The following CDCA8 variants were observed in gnomAD, a reference collection of about 807,000 sequenced individuals.
CDCA8 encodes the protein cell division cycle associated 8.
Under a neutral mutation model 40.0 loss-of-function variants are expected in CDCA8, and 25 were observed. The observed-to-expected ratio is 0.63, with a 90% CI of 0.46 to 0.87. The LOEUF (loss-of-function observed/expected upper bound fraction) is 0.87, where lower values mean the gene tolerates loss of function less well. CDCA8 is among the 40% of genes least tolerant of loss of function. The pLI is 0.00. For synonymous variants in CDCA8, 111 were observed against 126.5 expected (o/e 0.88, Z 0.82); for missense variants, 280 against 348.4 (o/e 0.80, Z 1.56).
In CDCA8 at chr1:37,695,267, C is replaced by T. The variant is rs114312201; in HGVS notation, c.224-643C>T. Among the ~76,000 whole-genome samples the T allele has an allele frequency of 9.9e-3, 1,480 of 150,176 alleles. 24 individuals are homozygous for T. Among genetic ancestry groups the T allele is most frequent in the African/African-American group, 0.034 (1,400 of 40,908 alleles). ...GCAGGGCATAGGGTGGGGATTCATG[C>T]CTATAATCCTAGCACTTTGGGAGGC... is the stretch of plus-strand genomic sequence containing the variant. On this transcript the variant is annotated intron_variant, in intron 2 of 9. Transcript: ENST00000373055.
intron 4 of CDCA8, among the ~76,000 whole-genome samples, chr1:37,699,257 A>C (rs897864768): frequency 6.6e-6 from 1 of 152,154 alleles, no homozygotes; most frequent in African/African-American, 2.4e-5. Context: ...AAAAGGGGGG[A>C]AAAAAGCTGT....
Position 37,692,660 on chromosome 1 carries a change from C to T in CDCA8, c.-31C>T. On this transcript the variant is annotated 5_prime_UTR_variant, in exon 1 of 10. Transcript: ENST00000373055. ...AGTTTCTTGCTTCCCTGCCCCATCTCCGCCGCTCCCCGCAGCCTCCGCCGA... is the reference window on the plus strand; with the variant it reads ...AGTTTCTTGCTTCCCTGCCCCATCTTCGCCGCTCCCCGCAGCCTCCGCCGA... 1 of 1,585,192 alleles carries T rather than the reference C, an allele frequency of 6.3e-7. No homozygotes were observed. Among genetic ancestry groups the T allele is most frequent in the South Asian group, 1.1e-5 (1 of 89,928 alleles).
intron 4 of CDCA8, among the ~76,000 whole-genome samples, chr1:37,699,575 AAAG>A (rs1471509768): frequency 1.3e-3 from 177 of 139,040 alleles, no homozygotes; most frequent in Middle Eastern, 0.011. Context: ...CTGAAAAAAA[AAAG>A]AAAGAAAGAA....
At chr1:37,705,660 T>C in intron 8 of CDCA8, 93 bp downstream of exon 8, 1 of 1,460,944 alleles carries the variant, frequency 6.8e-7, no homozygotes, top group Non-Finnish European at 9.4e-7. Flanking sequence ...ACCCTCAGAG[T>C]CCTTTCAGTG....
rs760551096 is a variant in CDCA8, at chr1:37,703,361, GAAA to G, written c.584+15_584+17del. 1 of 1,575,688 alleles carries G rather than the reference GAAA, an allele frequency of 6.3e-7. No individual in the cohort carries two copies. Among genetic ancestry groups the G allele is most frequent in the East Asian group, 2.2e-5 (1 of 44,682 alleles). The stretch of plus-strand genomic sequence containing the variant: ...GTTTGACTCAAGGTGAGTATCGAGG[GAAA>G]CACTTGGATTTGATGGGACTCCAAC... On this transcript the variant is annotated intron_variant, in intron 7 of 9. Transcript: ENST00000373055.
chr1:37,701,253 G>T (rs1360816020), intron 5 of CDCA8, among the ~76,000 whole-genome samples: 1 of 152,146 alleles, frequency 6.6e-6, no homozygotes, highest in Non-Finnish European at 1.5e-5. Flanking sequence ...ACACTAGAGG[G>T]AGGGTAGAGA....
intron 8 of CDCA8, among the ~76,000 whole-genome samples, 161 bp from the exon 9 acceptor site, chr1:37,706,817 T>C (rs1645604689): frequency 6.6e-6 from 1 of 152,276 alleles, no homozygotes; most frequent in Non-Finnish European, 1.5e-5. Flanking sequence ...GTGATAGTGC[T>C]GATGAAGTCA....
intron 5 of CDCA8, among the ~76,000 whole-genome samples, chr1:37,701,255 G>T (rs1645561188): frequency 1.3e-5 from 2 of 152,130 alleles, no homozygotes; most frequent in South Asian, 4.1e-4. Context: ...ACTAGAGGGA[G>T]GGTAGAGAGA....
In CDCA8 at chr1:37,698,924, A is replaced by T; in HGVS notation, c.284A>T (p.Glu95Val). Residue 95 changes from glutamate (E) to valine (V), a missense_variant, in exon 4 of 10, where the codon GAA becomes GTA. By Grantham distance (121) the Glu-to-Val change is moderately radical (BLOSUM62 -2). Transcript: ENST00000373055. ...EAATADLDIT[E>V]INKLTAEAIQ... ...TCATAGGCTGACCTGGATATCACCGAAATAAACAAACTAACAGCAGAAGCT... is the reference window on the plus strand; with the variant it reads ...TCATAGGCTGACCTGGATATCACCGTAATAAACAAACTAACAGCAGAAGCT... 1 of 1,613,900 alleles carries T rather than the reference A, an allele frequency of 6.2e-7. No individual in the cohort carries two copies. The highest frequency in any genetic ancestry group is 1.7e-4 in the Middle Eastern group (1 of 6,060).
chr1:37,702,037 C>CTTTT (rs34220599), intron 6 of CDCA8, among the ~76,000 whole-genome samples: 5 of 119,038 alleles, frequency 4.2e-5, no homozygotes, highest in South Asian at 2.8e-4. Flanking sequence ...TCCTTCCCCA[C>CTTTT]TTTTTTTTTT....
chr1:37,704,389 C>G (rs981208865), intron 7 of CDCA8, among the ~76,000 whole-genome samples: 1 of 152,128 alleles, frequency 6.6e-6, no homozygotes, highest in African/African-American at 2.4e-5. Context: ...ATAGGAGATG[C>G]TGTATAGCCA....
chr1:37,693,558 C>G (rs985592310), intron 2 of CDCA8, among the ~76,000 whole-genome samples: 3 of 151,920 alleles, frequency 2.0e-5, no homozygotes, highest in African/African-American at 4.8e-5. Flanking sequence ...GCCACCATGC[C>G]CCGCTGATTT....
chr1:37,695,406 A>G (rs1045405612), intron 2 of CDCA8, among the ~76,000 whole-genome samples: 7 of 143,432 alleles, frequency 4.9e-5, no homozygotes, highest in African/African-American at 1.8e-4. Context: ...AACCTGGACA[A>G]CTTGGCGAAA....
chr1:37,700,595 T>C (rs1645557389), intron 5 of CDCA8, 74 bp downstream of exon 5: 6 of 869,500 alleles, frequency 6.9e-6, no homozygotes, highest in Non-Finnish European at 1.2e-5. Flanking sequence ...AATACACTGT[T>C]GTACACCAGA....
At chr1:37,699,612 AAAGGAAAGG>A (rs869196523) in intron 4 of CDCA8, among the ~76,000 whole-genome samples, 2 of 146,056 alleles carry the variant, frequency 1.4e-5, no homozygotes, top group Non-Finnish European at 3.0e-5. Context: ...AAAGGAAAGG[AAAGGAAAGG>A]AAAAAAAAAG....
At chr1:37,701,064 A>G (rs1645559800) in intron 5 of CDCA8, among the ~76,000 whole-genome samples, 1 of 152,216 alleles carries the variant, frequency 6.6e-6, no homozygotes, top group South Asian at 2.1e-4. Context: ...ATTGCATGAC[A>G]TGTTGACCAT....
At chr1:37,692,823 C>T (rs756131181) in intron 1 of CDCA8, 39 bp downstream of exon 1, 1 of 1,613,018 alleles carries the variant, frequency 6.2e-7, no homozygotes. Context: ...GGGGCGGTCG[C>T]GGGATGCTGG....
intron 8 of CDCA8, among the ~76,000 whole-genome samples, chr1:37,705,887 G>A: frequency 7.0e-6 from 1 of 143,810 alleles, no homozygotes; most frequent in Non-Finnish European, 1.5e-5. Flanking sequence ...TCGGCTCACT[G>A]CAACCTCTGC....
At position 37,700,499 on chromosome 1, in the gene CDCA8, G is replaced by C. The variant is rs149123241; in HGVS notation, c.401G>C (p.Arg134Pro). 3.9e-5 allele frequency: 63 copies of C among 1,609,108 alleles called. No homozygotes were observed. The highest frequency in any genetic ancestry group is 5.2e-5 in the Non-Finnish European group (61 of 1,175,556). ...GAGGAAGAAGAAGAAGAAAATGAAC[G>C]TAAGAATCTTCAAACTGCAAGAGTA... ...VEEEEEEENE[R>P]KNLQTARVKR... The change falls in exon 5 of 10, where the codon CGT becomes CCT. Residue 134 changes from arginine to proline, a missense_variant. Arg to Pro is a moderately radical substitution (Grantham distance 103). Coordinates refer to ENST00000373055, the MANE Select transcript of CDCA8 (RefSeq NM_001256875.2).
Sources: gnomAD v4.1 joint callset for allele counts (sites outside exome capture counted in the v4.1 genomes callset) on GRCh38, gnomAD v4.1.1 for gene constraint, MANE v1.5 for transcripts, NCBI Gene and HGNC (gene_info 2026-07-23, HGNC 2026-07-21) for gene names.